LRRIQ1: variants seen among roughly 807,000 people sequenced by gnomAD.
LRRIQ1 encodes the protein leucine rich repeats and IQ motif containing 1.
A neutral mutation model predicts 211.9 loss-of-function variants in LRRIQ1; 210 were observed. The ratio of observed to expected loss-of-function variants is 0.99; its 90% CI spans 0.89 to 1.11. The LOEUF is 1.11. LRRIQ1 is among the 50% of genes most tolerant of loss of function. The probability of loss-of-function intolerance (pLI) is 0.00; values close to 1 mark genes in which losing one functional copy is unlikely to be tolerated. For missense variants in LRRIQ1, 2,136 were observed against 1,939.5 expected (o/e 1.10, Z -1.90); for synonymous variants, 699 against 650.1 (o/e 1.08, Z -1.14).
chr12:85,265,351 T>C (rs1489145273), downstream of LRRIQ1, among the ~76,000 whole-genome samples: 1 of 152,036 alleles, frequency 6.6e-6, no homozygotes, highest in Non-Finnish European at 1.5e-5. Context: ...AAATGAGTTA[T>C]AATTAATATA....
rs982515842 is a variant in LRRIQ1 at position 85,098,887 on chromosome 12, T to C, written c.3102T>C (p.Leu1034=). The change falls in exon 13 of 27, where the codon CTT becomes CTC. Residue 1034 remains leucine, a synonymous_variant. Transcript: ENST00000393217. Reference sequence around the variant, plus strand: ...TATAGCTTCCATCCTTGGAGAATCTTGTTTTACTAAGAGAATTGCACTTGG... The same window carrying C: ...TATAGCTTCCATCCTTGGAGAATCTCGTTTTACTAAGAGAATTGCACTTGG... ...YLSELPSLEN[L]VLLRELHLDD... is the part of the protein sequence containing the mutation. The C allele has an allele frequency of 4.5e-6, 7 of 1,558,614 alleles. No homozygotes were observed. Among genetic ancestry groups the C allele is most frequent in the Non-Finnish European group, 6.1e-6 (7 of 1,151,876 alleles).
chr12:85,208,507 A>C (rs1893676248), intron 24 of LRRIQ1, among the ~76,000 whole-genome samples: 3 of 152,184 alleles, frequency 2.0e-5, no homozygotes, highest in Admixed American at 2.0e-4. Flanking sequence ...AATACAAACT[A>C]CAAAATTAGC....
rs555463131 is a variant in LRRIQ1, at chr12:85,239,588, C to G, written c.5017-5201C>G. ...CACATAGTGCTGGACAACTAGATAA[C>G]TATATGGAAAAAGAATCTTGACTCC... On this transcript the variant is annotated intron_variant, in intron 26 of 26. Coordinates refer to ENST00000393217, the MANE Select transcript of LRRIQ1 (RefSeq NM_001079910.2). Among the ~76,000 whole-genome samples the G allele has an allele frequency of 7.2e-5, 11 of 151,922 alleles. No homozygotes were observed. The South Asian group carries it at 2.1e-3, about 29-fold the overall frequency.
At chr12:85,232,093 A>G (rs1372361917) in intron 25 of LRRIQ1, among the ~76,000 whole-genome samples, 1 of 152,192 alleles carries the variant, frequency 6.6e-6, no homozygotes, top group Middle Eastern at 3.4e-3. Flanking sequence ...TTTAACAATA[A>G]CCCTTACTCA....
At chr12:85,229,015 G>A (rs1171756342) in intron 24 of LRRIQ1, among the ~76,000 whole-genome samples, 1 of 152,108 alleles carries the variant, frequency 6.6e-6, no homozygotes, top group Non-Finnish European at 1.5e-5. Flanking sequence ...CTAGTCTTCA[G>A]TGTAACTCTG....
At chr12:85,194,981 A>C (rs1892816661) in intron 24 of LRRIQ1, among the ~76,000 whole-genome samples, 1 of 152,134 alleles carries the variant, frequency 6.6e-6, no homozygotes, top group African/African-American at 2.4e-5. Flanking sequence ...ATAAAAAATG[A>C]TAAAGGGGAT....
intron 24 of LRRIQ1, among the ~76,000 whole-genome samples, chr12:85,180,246 CATT>C (rs1368400855): frequency 6.6e-6 from 1 of 151,530 alleles, no homozygotes. Context: ...AAAACTTAAT[CATT>C]ATAACCATTG....
At chr12:85,069,245 C>A (rs964075866) in intron 10 of LRRIQ1, among the ~76,000 whole-genome samples, 1 of 151,922 alleles carries the variant, frequency 6.6e-6, no homozygotes, top group Non-Finnish European at 1.5e-5. Context: ...CCAGTTTCAT[C>A]CATGTCCCCA....
At chr12:85,271,295 C>T in the LRRIQ1 span, among the ~76,000 whole-genome samples, 8 of 152,004 alleles carry the variant, frequency 5.3e-5, no homozygotes, top group African/African-American at 1.7e-4. Context: ...GAGAATCAGC[C>T]ACTTTAGTTA....
intron 19 of LRRIQ1, among the ~76,000 whole-genome samples, chr12:85,142,783 G>T (rs567752440): frequency 6.6e-6 from 1 of 151,616 alleles, no homozygotes; most frequent in African/African-American, 2.4e-5. Flanking sequence ...CATTCACGTT[G>T]TTGCAAATGA....
chr12:85,227,033 G>T (rs918100010), intron 24 of LRRIQ1, among the ~76,000 whole-genome samples: 13 of 151,402 alleles, frequency 8.6e-5, no homozygotes, highest in African/African-American at 2.7e-4. Flanking sequence ...TAATCCTTTG[G>T]GTATATGCCC....
intron 13 of LRRIQ1, among the ~76,000 whole-genome samples, chr12:85,101,794 A>AGCGT (rs1886364265): frequency 6.6e-6 from 1 of 151,742 alleles, no homozygotes; most frequent in Admixed American, 6.6e-5. Flanking sequence ...ATATTACAAA[A>AGCGT]AGATTTTTTC....
chr12:85,074,703 T>C (rs1052233440), intron 11 of LRRIQ1, among the ~76,000 whole-genome samples: 4 of 152,050 alleles, frequency 2.6e-5, no homozygotes, highest in African/African-American at 7.2e-5. Context: ...AAATTTCCCA[T>C]AAGTAAATTT....
intron 23 of LRRIQ1, among the ~76,000 whole-genome samples, chr12:85,160,232 GT>G (rs1167706526): frequency 6.6e-6 from 1 of 151,822 alleles, no homozygotes; most frequent in African/African-American, 2.4e-5. Flanking sequence ...ATACATCTTT[GT>G]TATCTGAAAA....
intron 24 of LRRIQ1, among the ~76,000 whole-genome samples, chr12:85,218,058 A>G (rs1192995549): frequency 6.6e-6 from 1 of 152,052 alleles, no homozygotes; most frequent in Non-Finnish European, 1.5e-5. Flanking sequence ...GTTATTACTA[A>G]TTGATAAAAA....
At chr12:85,258,066 T>G (rs1896173614) in intron 1 of LRRIQ1, among the ~76,000 whole-genome samples, 1 of 151,882 alleles carries the variant, frequency 6.6e-6, no homozygotes, top group South Asian at 2.1e-4. Context: ...AACTATGCAT[T>G]TATCAAAATG....
chr12:85,149,846 T>G (rs188377805), intron 19 of LRRIQ1, among the ~76,000 whole-genome samples: 15 of 151,916 alleles, frequency 9.9e-5, no homozygotes, highest in African/African-American at 3.4e-4. Context: ...TGTTCTGGGA[T>G]TCTATAAAAG....
intron 24 of LRRIQ1, among the ~76,000 whole-genome samples, chr12:85,179,591 C>T (rs566264003): frequency 3.3e-5 from 5 of 152,058 alleles, no homozygotes; most frequent in Non-Finnish European, 5.9e-5. Flanking sequence ...CTCCCCATCT[C>T]CTGAAATATT....
At chr12:85,198,086 T>TA (rs1258080204) in intron 24 of LRRIQ1, among the ~76,000 whole-genome samples, 1 of 107,728 alleles carries the variant, frequency 9.3e-6, no homozygotes, top group African/African-American at 4.2e-5. Flanking sequence ...ATATAATTTA[T>TA]TATATTATAT....
Sources: allele counts gnomAD v4.1 joint callset (sites outside exome capture counted in the v4.1 genomes callset), GRCh38; gene constraint gnomAD v4.1.1; transcripts MANE v1.5; gene names NCBI Gene and HGNC (gene_info 2026-07-23, HGNC 2026-07-21).